Variants in PAIP1 observed in about 807,000 individuals in gnomAD.
PAIP1 encodes the protein poly(A) binding protein interacting protein 1.
In PAIP1, 16 loss-of-function variants were observed where a neutral mutation model predicts 61.3. The observed-to-expected ratio is 0.26, with a 90% confidence interval of 0.18 to 0.40. The LOEUF is 0.40. PAIP1 is among the 10% of genes least tolerant of loss of function. PAIP1 has a pLI of 1.00. For synonymous variants in PAIP1, 187 were observed against 226.2 expected, an observed-to-expected ratio of 0.83 and a Z score of 1.56; for missense variants, 416 against 600.9, an observed-to-expected ratio of 0.69 and a Z score of 3.22.
rs778760896 is a variant in PAIP1 at position 43,534,913 on chromosome 5, T to C, written c.1137A>G (p.Arg379=). 1 of 1,610,832 alleles carries C rather than the reference T, an allele frequency of 6.2e-7. No individual in the cohort carries two copies. Among genetic ancestry groups the C allele is most frequent in the Non-Finnish European group, 8.5e-7 (1 of 1,177,154 alleles). ...CTCTATATGTTGAAGTTGCATGGAC[T>C]CTGCCCCAGTTACTTGACCGGAGTT... is the stretch of plus-strand genomic sequence containing the variant. ...LVELRSSNWG[R]VHATSTYREA... The change falls in exon 8 of 11, where the codon AGA becomes AGG. Residue 379 remains arginine (R), a synonymous_variant. Coordinates refer to ENST00000306846, the MANE Select transcript of PAIP1 (RefSeq NM_006451.5).
At chr5:43,545,491 T>G (rs1747602774) in intron 3 of PAIP1, among the ~76,000 whole-genome samples, 1 of 152,216 alleles carries the variant, frequency 6.6e-6, no homozygotes, top group Non-Finnish European at 1.5e-5. Context: ...ACTTTTTAGA[T>G]TCTCAAGCAA....
At chr5:43,537,024 G>C in intron 5 of PAIP1, 80 bp from the exon 6 acceptor site, 1 of 945,956 alleles carries the variant, frequency 1.1e-6, no homozygotes, top group South Asian at 2.2e-5. Context: ...CAAGGTGTTG[G>C]CAAAATAAGC....
chr5:43,539,707 A>G (rs1747320251), intron 4 of PAIP1, among the ~76,000 whole-genome samples: 1 of 152,158 alleles, frequency 6.6e-6, no homozygotes, highest in South Asian at 2.1e-4. Flanking sequence ...TTTGCTTCAC[A>G]CAGAGGAGAA....
At chr5:43,531,646 G>GTCATGC (rs1417255077) in intron 9 of PAIP1, among the ~76,000 whole-genome samples, 1 of 48,464 alleles carries the variant, frequency 2.1e-5, no homozygotes, top group Non-Finnish European at 5.3e-5. Flanking sequence ...AACAGAGTGA[G>GTCATGC]ACTCTGTCTC....
chr5:43,542,401 G>A (rs528835602), intron 4 of PAIP1, among the ~76,000 whole-genome samples: 6 of 151,070 alleles, frequency 4.0e-5, no homozygotes, highest in East Asian at 2.0e-4. Context: ...GCATGGTGGC[G>A]GGTGCCTGTA....
In PAIP1 at chr5:43,526,629, A is replaced by AACCCATG; in HGVS notation, c.*740_*746dup. 1 of 142,492 alleles carries AACCCATG rather than the reference A, an allele frequency of 7.0e-6. No individual in the cohort carries two copies. The allele number at this position is 142,492 out of a possible 1,614,324, so 8.8% of individuals were successfully genotyped here. ...AATTCTCTAGTAAAAAAGTCGATGCAACCCATGCTACAAAATAAAAGTGAG... is the reference window on the plus strand; with the variant it reads ...AATTCTCTAGTAAAAAAGTCGATGCAACCCATGACCCATGCTACAAAATAAAAGTGAG... On this transcript the variant is annotated 3_prime_UTR_variant, in exon 11 of 11. Transcript: ENST00000306846.
chr5:43,527,848 A>T (rs981988616), intron 10 of PAIP1, among the ~76,000 whole-genome samples: 1 of 152,218 alleles, frequency 6.6e-6, no homozygotes, highest in Non-Finnish European at 1.5e-5. Context: ...ATAATTTCAA[A>T]TATGCCATTC....
At chr5:43,543,864 G>A (rs574259468) in intron 3 of PAIP1, among the ~76,000 whole-genome samples, 4 of 152,114 alleles carry the variant, frequency 2.6e-5, no homozygotes, top group African/African-American at 4.8e-5. Flanking sequence ...TTAAGAAGTC[G>A]GGCACAGTGG....
rs749328612 is a variant in PAIP1, at chr5:43,543,116, C to T, written c.622G>A (p.Ala208Thr). 32 of 1,537,556 alleles carry T rather than the reference C, an allele frequency of 2.1e-5. No homozygotes were observed. Among genetic ancestry groups the T allele is most frequent in the Non-Finnish European group, 2.9e-5 (32 of 1,112,608 alleles). Reference sequence around the variant, plus strand: ...TAAGAGAAATTTGGGATAGATGTGGCCTTTTAAAAAGAAGAAAAGTGTTAT... The same window carrying T: ...TAAGAGAAATTTGGGATAGATGTGGTCTTTTAAAAAGAAGAAAAGTGTTAT... Reference protein sequence around the residue: ...QELVELIYQQATSIPNFSYMG... With the variant: ...QELVELIYQQTTSIPNFSYMG... The change falls in exon 4 of 11, where the codon GCC (alanine) becomes ACC (threonine). Residue 208 changes from alanine (A) to threonine (T), a missense_variant and splice_region_variant. Ala to Thr is a moderately conservative substitution (Grantham distance 58, BLOSUM62 0). This residue lies in a region of PAIP1 where 180 missense variants were observed against 211.2 expected (regional missense o/e 0.85). Transcript: ENST00000306846.
At chr5:43,556,479 C>G in intron 1 of PAIP1, 103 bp downstream of exon 1, 2 of 1,202,898 alleles carry the variant, frequency 1.7e-6, no homozygotes, top group South Asian at 8.5e-5. Context: ...TTCGGGGAAC[C>G]GGGGGTGGGG....
intron 3 of PAIP1, 75 bp from the exon 4 acceptor site, chr5:43,543,191 A>G (rs1747485334): frequency 2.8e-6 from 2 of 706,956 alleles, no homozygotes; most frequent in South Asian, 1.9e-5. Context: ...GCAACATTCT[A>G]AAGAAGAAAA....
At chr5:43,549,434 T>C (rs551655161) in intron 2 of PAIP1, among the ~76,000 whole-genome samples, 1 of 152,266 alleles carries the variant, frequency 6.6e-6, no homozygotes, top group South Asian at 2.1e-4. Context: ...GCTATTCTTG[T>C]CATAGTGAAT....
intron 2 of PAIP1, among the ~76,000 whole-genome samples, chr5:43,549,565 C>T (rs1050714433): frequency 2.0e-5 from 3 of 152,086 alleles, no homozygotes; most frequent in African/African-American, 7.2e-5. Flanking sequence ...TGAGGCTTTC[C>T]CAGCCTTGTG....
chr5:43,529,802 A>C lies in PAIP1; in HGVS notation c.1330T>G (p.Ser444Ala), dbSNP rs1746866734. ...AAAACTTACGGATCACCAGCCCCGG[A>C]TAAATCTGTTCCATTTTCTTCATAA... ...PDYEENGTDLSGAGDPYLDDI... is the reference protein window; with the variant it reads ...PDYEENGTDLAGAGDPYLDDI... Residue 444 changes from serine (S) to alanine (A), a missense_variant, in exon 10 of 11, where the codon TCC becomes GCC. Physicochemically the swap from Ser to Ala is moderately conservative, Grantham distance 99. Around this residue, in one of 4 missense-constraint regions of PAIP1, gnomAD observed 135 missense variants for 283.9 expected, o/e 0.48. Transcript: ENST00000306846. 1 of 1,557,068 alleles carries C rather than the reference A, an allele frequency of 6.4e-7. No homozygotes were observed. The highest frequency in any genetic ancestry group is 8.9e-7 in the Non-Finnish European group (1 of 1,128,186).
chr5:43,555,539 A>C (rs565968238), intron 2 of PAIP1, among the ~76,000 whole-genome samples: 1 of 152,394 alleles, frequency 6.6e-6, no homozygotes, highest in African/African-American at 2.4e-5. Flanking sequence ...ACATTTCTGC[A>C]TACAATAATT....
In PAIP1 at chr5:43,556,897, G is replaced by T. The variant is rs1748120431; in HGVS notation, c.-51C>A. The T allele has an allele frequency of 6.7e-6, 9 of 1,346,250 alleles. No individual in the cohort carries two copies. In the East Asian group the frequency reaches 1.2e-4, roughly 19 times the overall value. The allele number at this position is 1,346,250 out of a possible 1,614,324, so 83.4% of individuals were successfully genotyped here. ...CAGGGGCCGCTGCCGCTGCGCTCGCGATAGGACGCGGGGGGAAGGCGCCGC... is the reference window on the plus strand; with the variant it reads ...CAGGGGCCGCTGCCGCTGCGCTCGCTATAGGACGCGGGGGGAAGGCGCCGC... On this transcript the variant is annotated 5_prime_UTR_variant, in exon 1 of 11. Transcript: ENST00000306846.
chr5:43,551,515 A>G (rs1193656201), intron 2 of PAIP1, among the ~76,000 whole-genome samples: 1 of 152,220 alleles, frequency 6.6e-6, no homozygotes, highest in Non-Finnish European at 1.5e-5. Flanking sequence ...GTACACATTC[A>G]TATACTTAAT....
At chr5:43,546,368 C>T (rs1479011104) in intron 3 of PAIP1, among the ~76,000 whole-genome samples, 1 of 152,192 alleles carries the variant, frequency 6.6e-6, no homozygotes, top group Non-Finnish European at 1.5e-5. Flanking sequence ...ACATTTGTTT[C>T]ATTTTCTTAT....
chr5:43,541,351 A>C (rs1482366488), intron 4 of PAIP1, among the ~76,000 whole-genome samples: 3 of 121,832 alleles, frequency 2.5e-5, no homozygotes, highest in Non-Finnish European at 5.0e-5. Flanking sequence ...ATGAGGTTTC[A>C]CCATGTTAGC....
Sources: allele counts gnomAD v4.1 joint callset (sites outside exome capture counted in the v4.1 genomes callset), GRCh38; gene constraint gnomAD v4.1.1; regional missense constraint gnomAD v4.1.1; transcripts MANE v1.5; gene names NCBI Gene and HGNC (gene_info 2026-07-23, HGNC 2026-07-21).